PTK2: variants seen among roughly 807,000 people sequenced by gnomAD.
The protein encoded by PTK2 is protein tyrosine kinase 2.
In PTK2, 45 loss-of-function variants were observed where a neutral mutation model predicts 150.1. The observed-to-expected ratio is 0.30, with a 90% CI of 0.24 to 0.38. The LOEUF (loss-of-function observed/expected upper bound fraction) is 0.38. PTK2 is among the 10% of genes least tolerant of loss of function. The probability of loss-of-function intolerance (pLI) is 1.00; values close to 1 mark genes in which losing one functional copy is unlikely to be tolerated. For missense variants in PTK2, 919 were observed against 1,307.3 expected (o/e 0.70, Z 4.58); for synonymous variants, 432 against 449.2 (o/e 0.96, Z 0.48).
chr8:140,869,331 T>C (rs1488804980), intron 4 of PTK2, among the ~76,000 whole-genome samples: 2 of 152,228 alleles, frequency 1.3e-5, no homozygotes, highest in Non-Finnish European at 2.9e-5. Flanking sequence ...CTTCTAAAGA[T>C]GAACAGTCTA....
At chr8:140,892,448 A>T (rs2154607443) in intron 2 of PTK2, among the ~76,000 whole-genome samples, 1 of 152,118 alleles carries the variant, frequency 6.6e-6, no homozygotes, top group East Asian at 1.9e-4. Context: ...AGGGGGGAGG[A>T]TCACTTGAGC....
chr8:140,695,265 G>A (rs747008867), intron 26 of PTK2, among the ~76,000 whole-genome samples: 6 of 152,124 alleles, frequency 3.9e-5, no homozygotes, highest in South Asian at 2.1e-4. Flanking sequence ...TTTTAAGTCC[G>A]TCTTCTCTGC....
intron 2 of PTK2, among the ~76,000 whole-genome samples, chr8:140,913,533 C>T (rs2100164059): frequency 6.6e-6 from 1 of 152,064 alleles, no homozygotes; most frequent in South Asian, 2.1e-4. Flanking sequence ...TGGCCTTACG[C>T]AATCTGCCCA....
At chr8:140,674,145 G>C (rs771105006) in intron 29 of PTK2, 153 bp downstream of exon 32, 5 of 814,242 alleles carry the variant, frequency 6.1e-6, no homozygotes, top group Admixed American at 5.1e-5. Flanking sequence ...TTCAGAACCA[G>C]ACCAATTGAC....
At chr8:140,819,143 A>G (rs1478982853) in intron 8 of PTK2, 123 bp from the exon 9 acceptor site, 2 of 934,834 alleles carry the variant, frequency 2.1e-6, no homozygotes, top group East Asian at 2.8e-5. Flanking sequence ...TTACTGCCAA[A>G]AAGTATACTT....
chr8:140,719,919 A>AAAC (rs1222878569), intron 22 of PTK2, among the ~76,000 whole-genome samples: 1,813 of 149,654 alleles, frequency 0.012, 32 homozygotes, highest in African/African-American at 0.035. Context: ...AAAAAATCAA[A>AAAC]AACAACAACA....
intron 2 of PTK2, among the ~76,000 whole-genome samples, chr8:140,911,658 C>T (rs1162634436): frequency 6.6e-6 from 1 of 152,118 alleles, no homozygotes; most frequent in African/African-American, 2.4e-5. Context: ...AGACACAGAA[C>T]ATTTCCATCA....
chr8:140,829,605 G>GT (rs1484944915), intron 8 of PTK2, among the ~76,000 whole-genome samples: 1 of 152,046 alleles, frequency 6.6e-6, no homozygotes, highest in Non-Finnish European at 1.5e-5. Flanking sequence ...CTCATAATGA[G>GT]TATCTTCTCC....
intron 22 of PTK2, chr8:140,718,039 T>C (rs2100040756): frequency 3.8e-6 from 1 of 260,076 alleles, no homozygotes; most frequent in Admixed American, 4.5e-5. Context: ...ACAGAATTCC[T>C]CTGAGAAATC....
intron 1 of PTK2, among the ~76,000 whole-genome samples, chr8:140,987,905 T>A (rs1663687030): frequency 6.6e-6 from 1 of 152,044 alleles, no homozygotes; most frequent in Admixed American, 6.6e-5. Context: ...ATTAGCCATG[T>A]GTGATGGTGA....
chr8:140,928,268 C>T (rs1460297151), intron 1 of PTK2, among the ~76,000 whole-genome samples: 2 of 151,940 alleles, frequency 1.3e-5, no homozygotes, highest in Non-Finnish European at 2.9e-5. Context: ...AACCTAACAC[C>T]CATTATAATA....
chr8:140,924,692 A>C (rs1245863882), intron 2 of PTK2, among the ~76,000 whole-genome samples: 1 of 152,214 alleles, frequency 6.6e-6, no homozygotes, highest in African/African-American at 2.4e-5. Flanking sequence ...TAAGTGAACT[A>C]AACATTATGA....
intron 8 of PTK2, among the ~76,000 whole-genome samples, chr8:140,826,006 C>A (rs932429392): frequency 1.3e-5 from 2 of 152,056 alleles, no homozygotes; most frequent in African/African-American, 4.8e-5. Flanking sequence ...CATAGCTAAT[C>A]CAAGTTTCAC....
chr8:140,819,306 C>A (rs982005757), intron 8 of PTK2, among the ~76,000 whole-genome samples: 1 of 152,086 alleles, frequency 6.6e-6, no homozygotes, highest in African/African-American at 2.4e-5. Context: ...TATATGTGCA[C>A]ATGACTCAGA....
chr8:140,854,410 T>C (rs746499260), intron 5 of PTK2, among the ~76,000 whole-genome samples: 11 of 152,164 alleles, frequency 7.2e-5, no homozygotes, highest in East Asian at 1.9e-4. Context: ...TTGCAAAAAG[T>C]TGCCAATGAA....
rs186876635 is a variant in PTK2 at position 140,989,680 on chromosome 8, G to A, written c.-122+11445C>T. On this transcript the variant is annotated intron_variant, in intron 1 of 31. Transcript: ENST00000522684. ...TCCCAGCACTTTGGGAGGCCGAGGCGGGCGGATCACCTAAGGAGAGGAATT... is the reference window on the plus strand; with the variant it reads ...TCCCAGCACTTTGGGAGGCCGAGGCAGGCGGATCACCTAAGGAGAGGAATT... 3.4e-3 allele frequency among the ~76,000 whole-genome samples: 524 copies of A among 152,110 alleles called. 6 individuals are homozygous for A. Among genetic ancestry groups the A allele is most frequent in the African/African-American group, 0.012 (507 of 41,502 alleles).
chr8:140,929,036 G>A (rs1329944081), intron 1 of PTK2, among the ~76,000 whole-genome samples: 1 of 131,688 alleles, frequency 7.6e-6, no homozygotes, highest in African/African-American at 2.9e-5. Context: ...CGGGATCTCG[G>A]CTCACTGCAA....
At chr8:140,957,008 C>T (rs1366663964) in intron 1 of PTK2, among the ~76,000 whole-genome samples, 2 of 151,970 alleles carry the variant, frequency 1.3e-5, no homozygotes, top group African/African-American at 4.8e-5. Context: ...TTGCAGTGAG[C>T]CGAGATGATG....
At chr8:140,879,715 AAAAC>A in intron 3 of PTK2, 78 bp from the exon 4 acceptor site, 1 of 1,135,880 alleles carries the variant, frequency 8.8e-7, no homozygotes, top group Non-Finnish European at 1.1e-6. Flanking sequence ...AAACAAAACA[AAAAC>A]AAAACAAAAA....
Sources: gnomAD v4.1 joint callset for allele counts (sites outside exome capture counted in the v4.1 genomes callset) on GRCh38, gnomAD v4.1.1 for gene constraint, MANE v1.5 for transcripts, NCBI Gene and HGNC (gene_info 2026-07-23, HGNC 2026-07-21) for gene names.